The following TBC1D7 variants were observed in gnomAD, a reference collection of about 807,000 sequenced individuals.
The protein encoded by TBC1D7 is TBC1 domain family member 7.
TBC1D7 carries 33 observed loss-of-function variants against 35.3 expected under a neutral mutation model. The observed-to-expected ratio is 0.93, with a 90% CI of 0.71 to 1.25. The LOEUF is 1.25. Ranked by LOEUF, TBC1D7 falls within the 50% of genes most tolerant of loss-of-function variation. The pLI, the probability that TBC1D7 is intolerant of heterozygous loss-of-function variation, is 0.00. For synonymous variants in TBC1D7, 135 were observed against 129.5 expected (o/e 1.04, Z -0.29); for missense variants, 362 against 365.3 (o/e 0.99, Z 0.07).
At position 13,305,054 on chromosome 6, in the gene TBC1D7, A is replaced by G. The variant is rs1246649951; in HGVS notation, c.*47T>C. The G allele has an allele frequency of 6.9e-6, 10 of 1,445,588 alleles. No individual in the cohort carries two copies. The highest frequency in any genetic ancestry group is 2.1e-5 in the Admixed American group (1 of 48,102). The allele number at this position is 1,445,588 out of a possible 1,614,324, so 89.5% of individuals were successfully genotyped here. A position where few individuals can be genotyped will look rare whatever the true frequency, so the allele number is the denominator to read the frequency against. ...TCCCAGATCACATGCCAAGAACACA[A>G]TGCTCACTGTGGTGCCTGGCAGACG... is the stretch of plus-strand genomic sequence containing the variant. On this transcript the variant is annotated 3_prime_UTR_variant, in exon 8 of 8. Coordinates refer to ENST00000379300, the MANE Select transcript of TBC1D7 (RefSeq NM_016495.6).
Position 13,320,906 on chromosome 6 carries a change from A to T in TBC1D7, c.381+2T>A. 6.2e-7 allele frequency: 1 copy of T among 1,613,742 alleles called. No individual in the cohort carries two copies. Among genetic ancestry groups the T allele is most frequent in the Non-Finnish European group, 8.5e-7 (1 of 1,179,762 alleles). ...TAGTGTCAGACAAAAGTGACCACTA[A>T]CCAGTGGAAAAGAGGGACTTCGAGG... On this transcript the variant is annotated splice_donor_variant, in intron 4 of 7. Transcript: ENST00000379300. LOFTEE classifies it high-confidence loss of function.
intron 5 of TBC1D7, among the ~76,000 whole-genome samples, chr6:13,309,110 G>A (rs2439540): frequency 0.3 from 46,102 of 152,016 alleles, 7,280 homozygotes; most frequent in South Asian, 0.46. Context: ...ACTGCTCAAC[G>A]GTTCCTAGAA....
intron 3 of TBC1D7, among the ~76,000 whole-genome samples, chr6:13,321,329 G>C (rs1223395411): frequency 6.6e-6 from 1 of 152,144 alleles, no homozygotes; most frequent in African/African-American, 2.4e-5. Flanking sequence ...AGAGAGAAAT[G>C]AAACAACACT....
At chr6:13,318,465 A>T (rs970132799) in intron 4 of TBC1D7, among the ~76,000 whole-genome samples, 14 of 152,244 alleles carry the variant, frequency 9.2e-5, no homozygotes, top group African/African-American at 3.4e-4. Context: ...ATATAATTTA[A>T]GAACTTGTGT....
intron 2 of TBC1D7, among the ~76,000 whole-genome samples, chr6:13,325,431 G>A (rs1784340940): frequency 6.6e-6 from 1 of 152,204 alleles, no homozygotes; most frequent in Non-Finnish European, 1.5e-5. Context: ...GGGAGGCTGA[G>A]GCAGGCAAAT....
At chr6:13,318,645 T>C (rs1449090802) in intron 4 of TBC1D7, 2 of 152,214 alleles carry the variant, frequency 1.3e-5, no homozygotes, top group African/African-American at 4.8e-5. Flanking sequence ...CAAAAAAAAT[T>C]AGATCTGCAA....
At chr6:13,327,029 T>C in intron 1 of TBC1D7, 123 bp from the exon 2 acceptor site, 1 of 567,636 alleles carries the variant, frequency 1.8e-6, no homozygotes, top group Non-Finnish European at 3.1e-6. Context: ...CAATATGATG[T>C]ACCCTTGCAT....
chr6:13,305,065 G>A lies in TBC1D7; in HGVS notation c.*36C>T. 1 of 1,518,976 alleles carries A rather than the reference G, an allele frequency of 6.6e-7. No homozygotes were observed. Among genetic ancestry groups the A allele is most frequent in the East Asian group, 2.3e-5 (1 of 42,962 alleles). 94.1% of individuals were successfully genotyped at this position (1,518,976 alleles called of 1,614,324 possible). On this transcript the variant is annotated 3_prime_UTR_variant, in exon 8 of 8. Coordinates refer to ENST00000379300, the MANE Select transcript of TBC1D7 (RefSeq NM_016495.6). ...ATGCCAAGAACACAATGCTCACTGT[G>A]GTGCCTGGCAGACGGTCCACAACCA...
chr6:13,315,693 G>T (rs537949379), intron 5 of TBC1D7, among the ~76,000 whole-genome samples: 6 of 152,254 alleles, frequency 3.9e-5, no homozygotes, highest in Admixed American at 3.9e-4. Context: ...CTCCAGGCTG[G>T]GCGACAGCAT....
rs537351725 is a variant in TBC1D7 at position 13,306,341 on chromosome 6, C to T, written c.795+57G>A. On this transcript the variant is annotated intron_variant, in intron 7 of 7. Transcript: ENST00000379300. The stretch of plus-strand genomic sequence containing the variant: ...AAATAATCTAATGTAACAGGAAAAT[C>T]TGACTTGCTAAGGTAACTTCATTTC... The T allele has an allele frequency of 2.4e-5, 37 of 1,520,936 alleles. No individual in the cohort carries two copies. In the African/African-American group the frequency reaches 4.5e-4, roughly 18 times the overall value. The allele number at this position is 1,520,936 out of a possible 1,614,324, so 94.2% of individuals were successfully genotyped here.
At position 13,306,461 on chromosome 6, in the gene TBC1D7, T is replaced by G; in HGVS notation, c.732A>C (p.Leu244Phe). Residue 244 changes from leucine to phenylalanine, a missense_variant, in exon 7 of 8, where the codon TTA becomes TTC. By Grantham distance (22) the Leu-to-Phe change is conservative. Coordinates refer to ENST00000379300, the MANE Select transcript of TBC1D7 (RefSeq NM_016495.6). ...GTGCCATAACTTTTATTTTAAAGGT[T>G]AATAAAATTTCGACAGCTACAAAAA... ...ILVFVAVEIL[L>F]TFKIKVMALN... 1.9e-6 allele frequency: 3 copies of G among 1,610,074 alleles called. No homozygotes were observed. Among genetic ancestry groups the G allele is most frequent in the Non-Finnish European group, 2.5e-6 (3 of 1,178,300 alleles).
rs1782713275 is a variant in TBC1D7 at position 13,305,018 on chromosome 6, T to C, written c.*83A>G. Reference sequence around the variant, plus strand: ...GCACCAAAGCAAGAAAAGTGTATTATTCAATCAGTTTCCCAGATCACATGC... The same window carrying C: ...GCACCAAAGCAAGAAAAGTGTATTACTCAATCAGTTTCCCAGATCACATGC... On this transcript the variant is annotated 3_prime_UTR_variant, in exon 8 of 8. Transcript: ENST00000379300. 1.7e-6 allele frequency: 2 copies of C among 1,168,438 alleles called. No homozygotes were observed. Among genetic ancestry groups the C allele is most frequent in the Non-Finnish European group, 2.4e-6 (2 of 828,778 alleles). 72.4% of individuals were successfully genotyped at this position (1,168,438 alleles called of 1,614,324 possible). A position where few individuals can be genotyped will look rare whatever the true frequency, so the allele number is the denominator to read the frequency against.
chr6:13,314,428 G>A (rs541800626), intron 5 of TBC1D7, among the ~76,000 whole-genome samples: 6 of 152,214 alleles, frequency 3.9e-5, no homozygotes, highest in African/African-American at 1.4e-4. Flanking sequence ...GAAAAATAAA[G>A]GATGAATTTT....
At chr6:13,307,439 A>G in intron 6 of TBC1D7, 161 bp downstream of exon 6, 1 of 707,198 alleles carries the variant, frequency 1.4e-6, no homozygotes, top group Non-Finnish European at 2.4e-6. Context: ...ATATTCAAGA[A>G]TAAGCAGAAT....
chr6:13,305,518 T>C (rs1782750499), intron 7 of TBC1D7: 1 of 377,006 alleles, frequency 2.7e-6, no homozygotes, highest in Non-Finnish European at 4.9e-6. Context: ...AGGTAACCCA[T>C]GGAAAATACT....
intron 5 of TBC1D7, among the ~76,000 whole-genome samples, chr6:13,310,697 T>C (rs9381915): frequency 0.51 from 74,285 of 146,536 alleles, 20,654 homozygotes; most frequent in African/African-American, 0.71. Flanking sequence ...AGTATGAAAC[T>C]ATGACAGGGA....
At chr6:13,321,220 T>C in intron 3 of TBC1D7, 125 bp from the exon 4 acceptor site, 1 of 717,044 alleles carries the variant, frequency 1.4e-6, no homozygotes, top group Non-Finnish European at 2.3e-6. Context: ...ACGCAGACAT[T>C]CAAGTACCAT....
Position 13,306,404 on chromosome 6 carries a change from C to T in TBC1D7, c.789G>A (p.Leu263=). 6.3e-7 allele frequency: 1 copy of T among 1,581,536 alleles called. No homozygotes were observed. Among genetic ancestry groups the T allele is most frequent in the South Asian group, 1.2e-5 (1 of 83,700 alleles). ...LNSAEKITKF[L]ENIPQDSSDA... ...CAAATCAAAGCACACTTACATTTTC[C>T]AGAAACTTTGTTATCTTCTCTGCAC... The change falls in exon 7 of 8, where the codon CTG becomes CTA. Residue 263 remains leucine, a synonymous_variant. Coordinates refer to ENST00000379300, the MANE Select transcript of TBC1D7 (RefSeq NM_016495.6).
At chr6:13,312,729 T>C (rs551019291) in intron 5 of TBC1D7, among the ~76,000 whole-genome samples, 2 of 136,196 alleles carry the variant, frequency 1.5e-5, no homozygotes, top group East Asian at 2.1e-4. Flanking sequence ...AACAAAAAAA[T>C]ATATATTTTT....
Sources: gnomAD v4.1 joint callset for allele counts (sites outside exome capture counted in the v4.1 genomes callset) on GRCh38, gnomAD v4.1.1 for gene constraint, MANE v1.5 for transcripts, NCBI Gene and HGNC (gene_info 2026-07-23, HGNC 2026-07-21) for gene names.